Variants in LRRC27 observed in about 807,000 individuals in gnomAD.
LRRC27 encodes leucine rich repeat containing 27, also known as leucine-rich repeat-containing protein 27.
Under a neutral mutation model 55.0 loss-of-function variants are expected in LRRC27, and 57 were observed. That is an observed-to-expected ratio of 1.04 (90% CI 0.84 to 1.29). The LOEUF (loss-of-function observed/expected upper bound fraction) is 1.29, where lower values mean the gene tolerates loss of function less well. Among genes scored for constraint, LRRC27 ranks in the 50% most tolerant of loss-of-function variants. The probability of loss-of-function intolerance (pLI) is 0.00; values close to 1 mark genes in which losing one functional copy is unlikely to be tolerated. For synonymous variants in LRRC27, 278 were observed against 251.9 expected (o/e 1.10, Z -0.98); for missense variants, 721 against 651.5 (o/e 1.11, Z -1.16).
At position 132,357,321 on chromosome 10, in the gene LRRC27, C is replaced by T. The variant is rs893893584; in HGVS notation, c.1170+1435C>T. On this transcript the variant is annotated intron_variant, in intron 8 of 10. Coordinates refer to ENST00000368614, the MANE Select transcript of LRRC27 (RefSeq NM_030626.3). ...CAATATGTGGGAAAGTTTAAAAATA[C>T]ATATTTTGCCACTTCCAGGAATAAA... Among the ~76,000 whole-genome samples the T allele has an allele frequency of 2.0e-5, 3 of 152,230 alleles. No homozygotes were observed. The East Asian group carries it at 5.8e-4, about 29-fold the overall frequency.
chr10:132,337,183 T>C (rs1456744666), intron 2 of LRRC27: 1 of 1,171,424 alleles, frequency 8.5e-7, no homozygotes, highest in East Asian at 5.7e-5. Flanking sequence ...AAGCAGGCGA[T>C]TTCGGGGGCT....
chr10:132,358,986 C>CAGT (rs1358250384), intron 8 of LRRC27, among the ~76,000 whole-genome samples: 4 of 34,324 alleles, frequency 1.2e-4, no homozygotes, highest in African/African-American at 3.1e-4. Context: ...GGTGGTGGAG[C>CAGT]GTGGGAAGGA....
chr10:132,352,799 C>T (rs1216423333), intron 7 of LRRC27: 47 of 1,507,984 alleles, frequency 3.1e-5, no homozygotes, highest in Middle Eastern at 3.4e-4. Context: ...GCGGTCGCCC[C>T]CTTGTGTCCG....
In LRRC27 at chr10:132,348,349, G is replaced by A. The variant is rs559841483; in HGVS notation, c.919G>A (p.Val307Ile). Residue 307 changes from valine (V) to isoleucine (I), a missense_variant, in exon 6 of 11, where the codon GTT becomes ATT. Coordinates refer to ENST00000368614, the MANE Select transcript of LRRC27 (RefSeq NM_030626.3). This position sits in a 1 kb window ranked among gnomAD's most constrained non-coding sequence, Gnocchi z 4.2. ...GAAAGAACTACCAAAGCCAAGACAC[G>A]TTTTCAGGTAAAACTGAAAAGCAAC... is the stretch of plus-strand genomic sequence containing the variant. ...IEKELPKPRH[V>I]FRRKTASSRS... 287 of 1,606,958 alleles carry A rather than the reference G, an allele frequency of 1.8e-4. 6 individuals are homozygous for A. In the South Asian group the frequency reaches 3.0e-3, roughly 17 times the overall value.
At chr10:132,373,683 G>A (rs1007022634) in intron 10 of LRRC27, among the ~76,000 whole-genome samples, 10 of 152,334 alleles carry the variant, frequency 6.6e-5, no homozygotes, top group African/African-American at 2.4e-4. Flanking sequence ...AAACAAGGGA[G>A]TAGATGCTGA....
In LRRC27 at chr10:132,374,217, G is replaced by A. The variant is rs1251518218; in HGVS notation, c.1417-849G>A. On this transcript the variant is annotated intron_variant, in intron 10 of 10. Coordinates refer to ENST00000368614, the MANE Select transcript of LRRC27 (RefSeq NM_030626.3). This position sits in a 1 kb window ranked among gnomAD's most constrained non-coding sequence, Gnocchi z 4.4. ...GGTGAGGGGGTGCAGTGGCTCCAGG[G>A]ACCTGCTGTGATTATGTCTGTATGG... 6.7e-6 allele frequency among the ~76,000 whole-genome samples: 1 copy of A among 149,352 alleles called. No individual in the cohort carries two copies. Among genetic ancestry groups the A allele is most frequent in the Non-Finnish European group, 1.5e-5 (1 of 67,294 alleles).
In LRRC27 at chr10:132,333,625, A is replaced by T. The variant is rs750923497; in HGVS notation, c.101A>T (p.Asp34Val). Reference sequence around the variant, plus strand: ...AGCTTGCCTGCCACCCCCTCCAAAGATGTTCACAAGGGTGTTGGAGGCATC... The same window carrying T: ...AGCTTGCCTGCCACCCCCTCCAAAGTTGTTCACAAGGGTGTTGGAGGCATC... ...TRSLPATPSK[D>V]VHKGVGGIIF... The change falls in exon 2 of 11, where the codon GAT becomes GTT. Residue 34 changes from aspartate to valine, a missense_variant. By Grantham distance (152) the Asp-to-Val change is radical. Coordinates refer to ENST00000368614, the MANE Select transcript of LRRC27 (RefSeq NM_030626.3). 6.2e-6 allele frequency: 10 copies of T among 1,613,266 alleles called. No homozygotes were observed. In the South Asian group the frequency reaches 8.8e-5, roughly 14 times the overall value.
chr10:132,373,915 GGAATACAGGTTTCT>G (rs2069278490), intron 10 of LRRC27, among the ~76,000 whole-genome samples: 1 of 152,142 alleles, frequency 6.6e-6, no homozygotes, highest in Non-Finnish European at 1.5e-5. Context: ...AATCCCACAG[GGAATACAGGTTTCT>G]ATGGGAAGCA....
chr10:132,343,536 G>C (rs1339531890), intron 4 of LRRC27, among the ~76,000 whole-genome samples: 1 of 152,180 alleles, frequency 6.6e-6, no homozygotes, highest in Admixed American at 6.5e-5. Context: ...AGATAATACA[G>C]AGTCACTTGC....
intron 3 of LRRC27, among the ~76,000 whole-genome samples, chr10:132,341,699 T>G (rs915655942): frequency 6.6e-6 from 1 of 152,176 alleles, no homozygotes; most frequent in Admixed American, 6.5e-5. Context: ...TACTGTGCGG[T>G]GGAAGTCTCT....
chr10:132,341,170 C>G (rs540284617), intron 3 of LRRC27, among the ~76,000 whole-genome samples: 1 of 152,072 alleles, frequency 6.6e-6, no homozygotes, highest in African/African-American at 2.4e-5. Context: ...GTGGCACACA[C>G]CATTAGTCTC....
chr10:132,367,453 A>G (rs1197384495), intron 10 of LRRC27, among the ~76,000 whole-genome samples: 2 of 152,254 alleles, frequency 1.3e-5, no homozygotes, highest in Non-Finnish European at 2.9e-5. Flanking sequence ...ACAAGAAAGG[A>G]AAAGTGTAGA....
At position 132,376,980 on chromosome 10, in the gene LRRC27, T is replaced by C. The variant is rs972331151; in HGVS notation, c.*1738T>C. ...AGATGCCTACAAATTTAGGATTGTT[T>C]TATCTTCCTGTCGAACTGACCTTGT... is the stretch of plus-strand genomic sequence containing the variant. On this transcript the variant is annotated 3_prime_UTR_variant, in exon 11 of 11. Transcript: ENST00000368614. The C allele has an allele frequency of 2.0e-5, 3 of 152,258 alleles. No individual in the cohort carries two copies. The South Asian group carries it at 6.2e-4, about 32-fold the overall frequency. The allele number at this position is 152,258 out of a possible 1,614,324, so 9.4% of individuals were successfully genotyped here.
intron 1 of LRRC27, 26 bp from the exon 2 acceptor site, chr10:132,333,451 T>A: frequency 8.5e-7 from 1 of 1,179,776 alleles, no homozygotes; most frequent in Non-Finnish European, 1.2e-6. Context: ...TAGTTGCTTC[T>A]ACGTTTCCCT....
chr10:132,362,262 A>G (rs2474337), intron 9 of LRRC27, among the ~76,000 whole-genome samples: 1 of 152,060 alleles, frequency 6.6e-6, no homozygotes, highest in Admixed American at 6.5e-5. Flanking sequence ...CATCAGGGAT[A>G]GCTGGTGAGC....
intron 4 of LRRC27, 49 bp from the exon 5 acceptor site, chr10:132,344,449 T>A: frequency 6.5e-7 from 1 of 1,533,494 alleles, no homozygotes; most frequent in Non-Finnish European, 8.9e-7. Context: ...CATTTTCATT[T>A]CAAGAATGGT....
Position 132,379,654 on chromosome 10 carries a change from G to A in LRRC27, c.*4412G>A, listed in dbSNP as rs1330811726. On this transcript the variant is annotated 3_prime_UTR_variant, in exon 11 of 11. Transcript: ENST00000368614. Reference sequence around the variant, plus strand: ...GGTCTAAGGTGTCTGGTAATTTTTTGTGGATGCCGATTCTCTGTTGAAATT... The same window carrying A: ...GGTCTAAGGTGTCTGGTAATTTTTTATGGATGCCGATTCTCTGTTGAAATT... 1.3e-5 allele frequency: 2 copies of A among 151,910 alleles called. No individual in the cohort carries two copies. The highest frequency in any genetic ancestry group is 4.8e-5 in the African/African-American group (2 of 41,352). 9.4% of individuals were successfully genotyped at this position (151,910 alleles called of 1,614,324 possible).
At chr10:132,357,438 G>A (rs1426770525) in intron 8 of LRRC27, among the ~76,000 whole-genome samples, 1 of 152,260 alleles carries the variant, frequency 6.6e-6, no homozygotes, top group East Asian at 1.9e-4. Context: ...AGATGGAGAT[G>A]GCTAAATTGT....
Position 132,351,710 on chromosome 10 carries a change from C to G in LRRC27, c.1030C>G (p.Arg344Gly), listed in dbSNP as rs368297425. 6.2e-7 allele frequency: 1 copy of G among 1,613,564 alleles called. No homozygotes were observed. Among genetic ancestry groups the G allele is most frequent in the African/African-American group, 1.3e-5 (1 of 74,924 alleles). Residue 344 changes from arginine to glycine, a missense_variant, in exon 7 of 11, where the codon CGA becomes GGA. Coordinates refer to ENST00000368614, the MANE Select transcript of LRRC27 (RefSeq NM_030626.3). ...GGAAGAGAGCCGAGCGGCGGCGCTC[C>G]GAGAGCTCCAGGAGAAGCAGGCTCT... ...RLEESRAAAL[R>G]ELQEKQALME...
Sources: allele counts gnomAD v4.1 joint callset (sites outside exome capture counted in the v4.1 genomes callset), GRCh38; gene constraint gnomAD v4.1.1; non-coding constraint Gnocchi (gnomAD v3.1); transcripts MANE v1.5; gene names NCBI Gene and HGNC (gene_info 2026-07-23, HGNC 2026-07-21).